The following SMAP1 variants were observed in gnomAD, a reference collection of about 807,000 sequenced individuals.
SMAP1 encodes stromal membrane-associated protein 1.
SMAP1 carries 24 observed loss-of-function variants against 58.5 expected under a neutral mutation model. The ratio of observed to expected loss-of-function variants is 0.41; its 90% CI spans 0.30 to 0.58. The LOEUF (loss-of-function observed/expected upper bound fraction) is 0.58. Among genes scored for constraint, SMAP1 ranks in the 20% least tolerant of loss-of-function variants. The probability of loss-of-function intolerance (pLI) is 0.29; values close to 1 mark genes in which losing one functional copy is unlikely to be tolerated. For missense variants in SMAP1, 563 were observed against 566.3 expected (o/e 0.99, Z 0.06); for synonymous variants, 216 against 196.6 (o/e 1.10, Z -0.82).
At chr6:70,781,775 T>C (rs1267256279) in intron 4 of SMAP1, among the ~76,000 whole-genome samples, 2 of 152,230 alleles carry the variant, frequency 1.3e-5, no homozygotes, top group Admixed American at 6.5e-5. Flanking sequence ...TCATACCTTT[T>C]CAAAGGGTGT....
chr6:70,715,124 G>A (rs1266334612), intron 1 of SMAP1, among the ~76,000 whole-genome samples: 4 of 143,940 alleles, frequency 2.8e-5, no homozygotes, highest in Non-Finnish European at 6.1e-5. Flanking sequence ...TTGGAGACAT[G>A]GTCTTATAGT....
At chr6:70,814,705 T>C (rs1769541916) in intron 6 of SMAP1, among the ~76,000 whole-genome samples, 1 of 152,170 alleles carries the variant, frequency 6.6e-6, no homozygotes. Context: ...ATTGCTCTTC[T>C]AGCCACTCTG....
chr6:70,762,529 T>C (rs1766793465), intron 3 of SMAP1, among the ~76,000 whole-genome samples: 1 of 152,150 alleles, frequency 6.6e-6, no homozygotes, highest in African/African-American at 2.4e-5. Context: ...ATTCTTGCAG[T>C]AGGAGGCACA....
intron 4 of SMAP1, among the ~76,000 whole-genome samples, chr6:70,775,199 G>A (rs1767498312): frequency 6.6e-6 from 1 of 151,784 alleles, no homozygotes; most frequent in Non-Finnish European, 1.5e-5. Context: ...CATTGATGGG[G>A]GAAAGGACTA....
chr6:70,860,408 AT>A lies in SMAP1; in HGVS notation c.*76del. 1 of 1,504,646 alleles carries A rather than the reference AT, an allele frequency of 6.6e-7. No individual in the cohort carries two copies. 93.2% of individuals were successfully genotyped at this position (1,504,646 alleles called of 1,614,324 possible). Reference sequence around the variant, plus strand: ...TGAAACGCATCTAGTTCCCCTGTTTATTCATATGCATATTTTTTTTCTTTTT... The same window carrying A: ...TGAAACGCATCTAGTTCCCCTGTTTATCATATGCATATTTTTTTTCTTTTT... On this transcript the variant is annotated 3_prime_UTR_variant, in exon 11 of 11. Transcript: ENST00000370455.
chr6:70,688,368 A>C (rs1767018148), intron 1 of SMAP1, among the ~76,000 whole-genome samples: 1 of 152,176 alleles, frequency 6.6e-6, no homozygotes, highest in Non-Finnish European at 1.5e-5. Flanking sequence ...TAGATCCATA[A>C]AAAAAGTGCC....
At chr6:70,823,227 AG>A (rs2149983636) in intron 6 of SMAP1, among the ~76,000 whole-genome samples, 1 of 152,276 alleles carries the variant, frequency 6.6e-6, no homozygotes, top group East Asian at 1.9e-4. Flanking sequence ...AGTGGGTGAA[AG>A]GAACTCAGAT....
intron 3 of SMAP1, among the ~76,000 whole-genome samples, chr6:70,763,274 T>C (rs940625167): frequency 6.6e-6 from 1 of 152,124 alleles, no homozygotes; most frequent in Non-Finnish European, 1.5e-5. Context: ...AGTATATCTT[T>C]ATGGTGATCT....
intron 6 of SMAP1, among the ~76,000 whole-genome samples, chr6:70,808,698 A>G (rs1278745650): frequency 1.3e-5 from 2 of 152,320 alleles, no homozygotes; most frequent in East Asian, 3.9e-4. Context: ...TCCAAACATC[A>G]TCTAACAGTA....
chr6:70,717,410 G>C (rs1768319442), intron 1 of SMAP1, among the ~76,000 whole-genome samples: 1 of 152,156 alleles, frequency 6.6e-6, no homozygotes, highest in Non-Finnish European at 1.5e-5. Context: ...GCAAAAGTTG[G>C]GTCACTTACA....
chr6:70,689,947 C>CT (rs1278097475), intron 1 of SMAP1, among the ~76,000 whole-genome samples: 2 of 152,170 alleles, frequency 1.3e-5, no homozygotes, highest in Non-Finnish European at 2.9e-5. Flanking sequence ...GTTTTCATAG[C>CT]TTTTTTCGTG....
chr6:70,739,491 T>C (rs1043217646), intron 2 of SMAP1, among the ~76,000 whole-genome samples: 1 of 152,158 alleles, frequency 6.6e-6, no homozygotes, highest in Non-Finnish European at 1.5e-5. Context: ...TGCTCGGTGT[T>C]TGATAAATCT....
intron 4 of SMAP1, among the ~76,000 whole-genome samples, chr6:70,775,374 G>C (rs1439534434): frequency 1.3e-5 from 2 of 151,956 alleles, no homozygotes; most frequent in African/African-American, 4.8e-5. Flanking sequence ...TTTTTACATA[G>C]TAATGTGTAA....
chr6:70,788,115 C>T (rs367582640), intron 4 of SMAP1, among the ~76,000 whole-genome samples: 2 of 151,988 alleles, frequency 1.3e-5, no homozygotes, highest in Admixed American at 6.6e-5. Context: ...GAATACTATG[C>T]AGCCATAAAA....
chr6:70,707,550 A>G (rs1197917841), intron 1 of SMAP1, among the ~76,000 whole-genome samples: 2 of 152,214 alleles, frequency 1.3e-5, no homozygotes, highest in Admixed American at 1.3e-4. Flanking sequence ...AAAGCTTGAA[A>G]ATAGACATCT....
At chr6:70,803,555 C>A (rs180765086) in intron 6 of SMAP1, among the ~76,000 whole-genome samples, 8 of 152,204 alleles carry the variant, frequency 5.3e-5, no homozygotes, top group Admixed American at 3.9e-4. Flanking sequence ...TTTGTTTGCT[C>A]TTGCTTCTGT....
chr6:70,852,443 T>C (rs1331283639), intron 7 of SMAP1, 97 bp from the exon 8 acceptor site: 1 of 1,212,282 alleles, frequency 8.2e-7, no homozygotes, highest in Non-Finnish European at 1.1e-6. Flanking sequence ...TTTGAACTGT[T>C]CTTTTTTTTT....
intron 6 of SMAP1, among the ~76,000 whole-genome samples, chr6:70,803,593 T>TCAATTTTAGA (rs1477650637): frequency 1.3e-5 from 2 of 152,216 alleles, no homozygotes; most frequent in Non-Finnish European, 2.9e-5. Flanking sequence ...TGTTAGGGTG[T>TCAATTTTAGA]CAATTTTAGA....
At chr6:70,731,919 T>G (rs1365089115) in intron 1 of SMAP1, among the ~76,000 whole-genome samples, 1 of 152,232 alleles carries the variant, frequency 6.6e-6, no homozygotes, top group Non-Finnish European at 1.5e-5. Flanking sequence ...GAATTATTCA[T>G]TCATATCTTT....
Sources: gnomAD v4.1 joint callset for allele counts (sites outside exome capture counted in the v4.1 genomes callset) on GRCh38, gnomAD v4.1.1 for gene constraint, MANE v1.5 for transcripts, NCBI Gene and HGNC (gene_info 2026-07-23, HGNC 2026-07-21) for gene names.